Variants in SUGP1 observed in about 807,000 individuals in gnomAD.
SUGP1 encodes SURP and G-patch domain-containing protein 1.
Under a neutral mutation model 76.5 loss-of-function variants are expected in SUGP1, and 34 were observed. That is an observed-to-expected ratio of 0.44 (90% CI 0.34 to 0.59). The LOEUF (loss-of-function observed/expected upper bound fraction) is 0.59. Ranked by LOEUF, SUGP1 falls within the 20% of genes least tolerant of loss-of-function variation. The pLI is 0.01. For synonymous variants in SUGP1, 326 were observed against 326.2 expected, an observed-to-expected ratio of 1.00 and a Z score of 0.01; for missense variants, 752 against 851.7, an observed-to-expected ratio of 0.88 and a Z score of 1.46.
chr19:19,285,088 C>T (rs1457367612), intron 8 of SUGP1, among the ~76,000 whole-genome samples: 1 of 151,810 alleles, frequency 6.6e-6, no homozygotes, highest in Non-Finnish European at 1.5e-5. Flanking sequence ...AGGATGGTCT[C>T]GATCTCCTGA....
chr19:19,277,613 GT>G lies in SUGP1; in HGVS notation c.1781+120del, dbSNP rs2061063898. ...TGCCTGACAAGGGGTGTGCAGTGGG[GT>G]GCTGTGATCATTTTGCCACAAGGGA... is the stretch of plus-strand genomic sequence containing the variant. On this transcript the variant is annotated intron_variant, in intron 12 of 13. Transcript: ENST00000247001. 4 of 1,299,678 alleles carry G rather than the reference GT, an allele frequency of 3.1e-6. No homozygotes were observed. The South Asian group carries it at 5.6e-5, about 18-fold the overall frequency. The allele number at this position is 1,299,678 out of a possible 1,614,324, so 80.5% of individuals were successfully genotyped here.
At chr19:19,283,234 C>G (rs2061114014) in intron 8 of SUGP1, among the ~76,000 whole-genome samples, 1 of 152,072 alleles carries the variant, frequency 6.6e-6, no homozygotes, top group Non-Finnish European at 1.5e-5. Flanking sequence ...GTTTTGCAGT[C>G]AAGAGAAATG....
intron 8 of SUGP1, 52 bp downstream of exon 8, chr19:19,296,937 G>C (rs1383243036): frequency 2.8e-6 from 4 of 1,425,472 alleles, no homozygotes; most frequent in Non-Finnish European, 3.8e-6. Context: ...ATTATGCTCA[G>C]TGAAAGAAGT....
chr19:19,310,376 G>A (rs562965529), intron 2 of SUGP1, among the ~76,000 whole-genome samples, 176 bp from the exon 3 acceptor site: 9 of 152,324 alleles, frequency 5.9e-5, no homozygotes, highest in East Asian at 5.8e-4. Context: ...AGACTACTGC[G>A]AAGTGCGCAC....
chr19:19,312,713 C>G (rs541098072), intron 2 of SUGP1, among the ~76,000 whole-genome samples: 1 of 152,118 alleles, frequency 6.6e-6, no homozygotes, highest in African/African-American at 2.4e-5. Flanking sequence ...CAAGGCCAGG[C>G]GCGGTGGCTC....
chr19:19,279,284 T>A lies in SUGP1; in HGVS notation c.1457A>T (p.Asp486Val). ...GCCCAGCTCGCTGTCCACCTCCTCA[T>A]CACTGTCATAGCCGTGCTGGTGCTG... Reference protein sequence around the residue: ...VQQHQHGYDSDEEVDSELGTW... With the variant: ...VQQHQHGYDSVEEVDSELGTW... Residue 486 changes from aspartate to valine, a missense_variant, in exon 10 of 14, where the codon GAT (aspartate) becomes GTT (valine). Coordinates refer to ENST00000247001, the MANE Select transcript of SUGP1 (RefSeq NM_172231.4). The A allele has an allele frequency of 6.3e-7, 1 of 1,585,930 alleles. No individual in the cohort carries two copies. The highest frequency in any genetic ancestry group is 8.6e-7 in the Non-Finnish European group (1 of 1,163,808).
At chr19:19,282,881 T>G (rs544825063) in intron 8 of SUGP1, among the ~76,000 whole-genome samples, 24 of 152,216 alleles carry the variant, frequency 1.6e-4, no homozygotes, top group African/African-American at 5.8e-4. Context: ...ATCGAGACCA[T>G]CCTGGCTAAC....
intron 7 of SUGP1, among the ~76,000 whole-genome samples, chr19:19,299,945 A>C (rs1272769882): frequency 1.3e-5 from 2 of 150,432 alleles, no homozygotes; most frequent in Non-Finnish European, 3.0e-5. Context: ...GCATGCGCTA[A>C]TTTTGTATTT....
chr19:19,294,315 C>T (rs973880169), intron 8 of SUGP1, among the ~76,000 whole-genome samples: 1 of 151,958 alleles, frequency 6.6e-6, no homozygotes, highest in Admixed American at 6.6e-5. Context: ...CTTGAACTCA[C>T]GAATTCAAGA....
chr19:19,309,734 C>T (rs2061340543), intron 3 of SUGP1, among the ~76,000 whole-genome samples: 1 of 152,088 alleles, frequency 6.6e-6, no homozygotes, highest in South Asian at 2.1e-4. Flanking sequence ...CATGATGAAA[C>T]CCCATCTCTA....
At chr19:19,295,963 A>G (rs2061222150) in intron 8 of SUGP1, among the ~76,000 whole-genome samples, 1 of 152,230 alleles carries the variant, frequency 6.6e-6, no homozygotes, top group Non-Finnish European at 1.5e-5. Context: ...GCTCAACAGC[A>G]CTGGTCATTA....
Position 19,278,741 on chromosome 19 carries a change from G to A in SUGP1, c.1584C>T (p.Phe528=). 1 of 1,614,054 alleles carries A rather than the reference G, an allele frequency of 6.2e-7. No homozygotes were observed. The highest frequency in any genetic ancestry group is 8.5e-7 in the Non-Finnish European group (1 of 1,179,986). ...ACTTTTCCAGCTCGTCTGGAGGCAGGAAGTCTCCGATGAAGTGCTTGCCCC... is the reference window on the plus strand; with the variant it reads ...ACTTTTCCAGCTCGTCTGGAGGCAGAAAGTCTCCGATGAAGTGCTTGCCCC... ...MGRGKHFIGD[F]LPPDELEKFM... Residue 528 remains phenylalanine, a synonymous_variant, in exon 11 of 14, where the codon TTC becomes TTT. Transcript: ENST00000247001.
intron 8 of SUGP1, among the ~76,000 whole-genome samples, chr19:19,287,451 A>G (rs1407796307): frequency 6.6e-6 from 1 of 151,000 alleles, no homozygotes; most frequent in Non-Finnish European, 1.5e-5. Flanking sequence ...AATCCCAGCT[A>G]CTCGGGAGGC....
Position 19,299,344 on chromosome 19 carries a change from G to A in SUGP1, c.888-2000C>T, listed in dbSNP as rs568596859. 3.3e-5 allele frequency among the ~76,000 whole-genome samples: 5 copies of A among 151,702 alleles called. No homozygotes were observed. The East Asian group carries it at 9.7e-4, about 29-fold the overall frequency. ...ATGATTTAACCCACAGAGGTTGGAC[G>A]CTGACTGTGTCACTGACTTTTCTTT... On this transcript the variant is annotated intron_variant, in intron 7 of 13. Transcript: ENST00000247001.
intron 13 of SUGP1, 104 bp from the exon 14 acceptor site, chr19:19,276,778 G>A (rs1367557402): frequency 2.5e-6 from 4 of 1,580,958 alleles, no homozygotes; most frequent in Non-Finnish European, 3.5e-6. Context: ...CACCCTTGAG[G>A]TGGCAGGGCA....
chr19:19,302,654 C>CTGGTA (rs1291641183), intron 6 of SUGP1, among the ~76,000 whole-genome samples: 12 of 152,136 alleles, frequency 7.9e-5, no homozygotes, highest in Non-Finnish European at 1.3e-4. Context: ...AATGTGACTG[C>CTGGTA]GGGTCTGGGT....
At chr19:19,278,614 G>A (rs2061072569) in intron 11 of SUGP1, 76 bp downstream of exon 11, 2 of 1,333,078 alleles carry the variant, frequency 1.5e-6, no homozygotes, top group African/African-American at 2.9e-5. Context: ...GCTACTTTGG[G>A]CACCTGCAGG....
intron 7 of SUGP1, among the ~76,000 whole-genome samples, chr19:19,299,126 T>C (rs1459499909): frequency 6.6e-6 from 1 of 152,218 alleles, no homozygotes; most frequent in Non-Finnish European, 1.5e-5. Flanking sequence ...AGATTTATCT[T>C]AATAGAGCTG....
intron 7 of SUGP1, 122 bp from the exon 8 acceptor site, chr19:19,297,466 A>C: frequency 1.7e-6 from 1 of 581,258 alleles, no homozygotes; most frequent in East Asian, 2.9e-5. Context: ...TGGTCATGTC[A>C]TAGTCACGGT....
Sources: gnomAD v4.1 joint callset for allele counts (sites outside exome capture counted in the v4.1 genomes callset) on GRCh38, gnomAD v4.1.1 for gene constraint, MANE v1.5 for transcripts, NCBI Gene and HGNC (gene_info 2026-07-23, HGNC 2026-07-21) for gene names.